NFIL3: variants seen among roughly 807,000 people sequenced by gnomAD.
NFIL3 encodes the protein nuclear factor interleukin-3-regulated protein.
A neutral mutation model predicts 10.0 loss-of-function variants in NFIL3; 5 were observed. The observed-to-expected ratio is 0.50, with a 90% CI of 0.26 to 1.06. NFIL3 has a LOEUF of 1.06. Ranked by LOEUF, NFIL3 falls within the 50% of genes least tolerant of loss-of-function variation. NFIL3 has a pLI of 0.13. For missense variants in NFIL3, 436 were observed against 547.6 expected, an observed-to-expected ratio of 0.80 and a Z score of 2.03; for synonymous variants, 202 against 206.5, an observed-to-expected ratio of 0.98 and a Z score of 0.19.
chr9:91,446,205 C>T, the NFIL3 span, among the ~76,000 whole-genome samples: 3 of 152,128 alleles, frequency 2.0e-5, no homozygotes, highest in Admixed American at 6.5e-5. Context: ...TCTTGCTTAC[C>T]TTTCCCTGCA....
In NFIL3 at chr9:91,410,755, C is replaced by G; in HGVS notation, c.-21G>C. ...TGCATCAGAAACAACCTTACCCTAT[C>G]TATGTGTGTAGGAGAACAAATTAAT... On this transcript the variant is annotated 5_prime_UTR_variant, in exon 2 of 2. Transcript: ENST00000297689. This position sits in a 1 kb window ranked among gnomAD's most constrained non-coding sequence, Gnocchi z 5.7. 6.4e-7 allele frequency: 1 copy of G among 1,554,486 alleles called. No homozygotes were observed. The highest frequency in any genetic ancestry group is 1.7e-4 in the Middle Eastern group (1 of 5,762).
chr9:91,476,219 G>A, the NFIL3 span, among the ~76,000 whole-genome samples: 1 of 152,204 alleles, frequency 6.6e-6, no homozygotes, highest in African/African-American at 2.4e-5. Context: ...CCTCAATTCA[G>A]TGCATAGATG....
At chr9:91,483,102 G>A in the NFIL3 span, among the ~76,000 whole-genome samples, 3 of 152,138 alleles carry the variant, frequency 2.0e-5, no homozygotes, top group Admixed American at 2.0e-4. Flanking sequence ...TGCACCTGTT[G>A]AGTTCTCTCC....
chr9:91,472,481 T>C, the NFIL3 span, among the ~76,000 whole-genome samples: 5 of 152,208 alleles, frequency 3.3e-5, no homozygotes, highest in Non-Finnish European at 5.9e-5. Context: ...TACCCTTTCT[T>C]CCACTTGATT....
the NFIL3 span, among the ~76,000 whole-genome samples, chr9:91,429,126 A>G: frequency 1.3e-5 from 2 of 152,248 alleles, no homozygotes; most frequent in Non-Finnish European, 2.9e-5. Context: ...ACAGGTCCAC[A>G]TTGCAATCCA....
intron 1 of NFIL3, among the ~76,000 whole-genome samples, chr9:91,411,691 C>G (rs1212790346): frequency 6.6e-6 from 1 of 151,908 alleles, no homozygotes; most frequent in African/African-American, 2.4e-5. Context: ...TTTTCTGATT[C>G]CTTTGAATTT....
chr9:91,459,651 C>A, the NFIL3 span, among the ~76,000 whole-genome samples: 2 of 152,162 alleles, frequency 1.3e-5, no homozygotes, highest in South Asian at 4.1e-4. Context: ...TACCTCTGCA[C>A]TCTAGCCTGG....
the NFIL3 span, among the ~76,000 whole-genome samples, chr9:91,467,823 G>A: frequency 6.6e-6 from 1 of 152,132 alleles, no homozygotes; most frequent in Non-Finnish European, 1.5e-5. Flanking sequence ...TGCTGAGAAT[G>A]ATGGTTTCCA....
At chr9:91,445,149 T>C in the NFIL3 span, among the ~76,000 whole-genome samples, 1 of 152,310 alleles carries the variant, frequency 6.6e-6, no homozygotes, top group South Asian at 2.1e-4. Flanking sequence ...GGCATAGTAC[T>C]GACTTGGCTC....
the NFIL3 span, among the ~76,000 whole-genome samples, chr9:91,451,893 T>C: frequency 6.6e-6 from 1 of 152,178 alleles, no homozygotes; most frequent in East Asian, 1.9e-4. Context: ...TGAGAAACAG[T>C]AATAGTCTAA....
At chr9:91,468,447 C>T in the NFIL3 span, among the ~76,000 whole-genome samples, 3 of 151,998 alleles carry the variant, frequency 2.0e-5, no homozygotes, top group African/African-American at 2.4e-5. Flanking sequence ...GCCCTTTGTC[C>T]GATGAGTAGA....
the NFIL3 span, among the ~76,000 whole-genome samples, chr9:91,446,136 G>A: frequency 0.029 from 4,355 of 152,258 alleles, 95 homozygotes; most frequent in South Asian, 0.092. Context: ...AGGACTGTGG[G>A]AGTCTCCAAT....
chr9:91,415,136 A>G (rs1833628940), intron 1 of NFIL3, among the ~76,000 whole-genome samples: 1 of 152,148 alleles, frequency 6.6e-6, no homozygotes, highest in Non-Finnish European at 1.5e-5. Context: ...GAGAAAAACC[A>G]AACTCCCGAG....
At chr9:91,431,951 G>A in the NFIL3 span, among the ~76,000 whole-genome samples, 10 of 152,118 alleles carry the variant, frequency 6.6e-5, no homozygotes, top group South Asian at 2.1e-4. Flanking sequence ...TGTCTTGGAC[G>A]CCTTTCCCTC....
At chr9:91,453,633 G>C in the NFIL3 span, among the ~76,000 whole-genome samples, 1 of 151,960 alleles carries the variant, frequency 6.6e-6, no homozygotes, top group Non-Finnish European at 1.5e-5. Context: ...TTTTAAAGCA[G>C]AGACATTTCC....
At chr9:91,440,275 A>G in the NFIL3 span, among the ~76,000 whole-genome samples, 1 of 152,090 alleles carries the variant, frequency 6.6e-6, no homozygotes, top group Non-Finnish European at 1.5e-5. Context: ...CCAACTCTTA[A>G]GTCATCCAAT....
At chr9:91,473,074 T>A in the NFIL3 span, among the ~76,000 whole-genome samples, 7 of 152,164 alleles carry the variant, frequency 4.6e-5, no homozygotes, top group Non-Finnish European at 1.5e-5. Context: ...ATCCTTCCCA[T>A]GGAAGCTGCA....
At chr9:91,415,617 C>A (rs1833638730) in intron 1 of NFIL3, among the ~76,000 whole-genome samples, 1 of 151,384 alleles carries the variant, frequency 6.6e-6, no homozygotes, top group Non-Finnish European at 1.5e-5. Flanking sequence ...AACTTAACTA[C>A]TTCTTCTTTT....
At chr9:91,471,140 A>T in the NFIL3 span, among the ~76,000 whole-genome samples, 1 of 151,966 alleles carries the variant, frequency 6.6e-6, no homozygotes. Flanking sequence ...TCCCATTATT[A>T]TTGTGTGGAA....
Sources: allele counts gnomAD v4.1 joint callset (sites outside exome capture counted in the v4.1 genomes callset), GRCh38; gene constraint gnomAD v4.1.1; non-coding constraint Gnocchi (gnomAD v3.1); transcripts MANE v1.5; gene names NCBI Gene and HGNC (gene_info 2026-07-23, HGNC 2026-07-21).